The following CR1 variants were observed in gnomAD, a reference collection of about 807,000 sequenced individuals.
CR1 encodes the protein complement receptor type 1.
Under a neutral mutation model 187.3 loss-of-function variants are expected in CR1, and 116 were observed. The ratio of observed to expected loss-of-function variants is 0.62; its 90% CI spans 0.53 to 0.72. The LOEUF is 0.72. Ranked by LOEUF, CR1 falls within the 30% of genes least tolerant of loss-of-function variation. The pLI is 0.00. For missense variants in CR1, 1,731 were observed against 2,110.7 expected, an observed-to-expected ratio of 0.82 and a Z score of 3.52; for synonymous variants, 576 against 747.1, an observed-to-expected ratio of 0.77 and a Z score of 3.73.
intron 35 of CR1, among the ~76,000 whole-genome samples, chr1:207,594,683 T>C (rs1661375333): frequency 6.6e-6 from 1 of 152,212 alleles, no homozygotes; most frequent in Non-Finnish European, 1.5e-5. Context: ...TAAATTTTAC[T>C]GCAACAACTA....
At chr1:207,593,431 T>C (rs975108439) in intron 35 of CR1, among the ~76,000 whole-genome samples, 29 of 152,214 alleles carry the variant, frequency 1.9e-4, no homozygotes, top group African/African-American at 7.0e-4. Context: ...CTGGACCCCT[T>C]CCTTTACATC....
intron 1 of CR1, among the ~76,000 whole-genome samples, chr1:207,505,474 T>A (rs368066190): frequency 4.8e-4 from 73 of 152,182 alleles, no homozygotes; most frequent in African/African-American, 1.7e-3. Context: ...CCCTTGGCTA[T>A]TATTGAAGTG....
At chr1:207,618,269 C>T in intron 42 of CR1, 22 bp downstream of exon 42, 1 of 1,607,912 alleles carries the variant, frequency 6.2e-7, no homozygotes. Flanking sequence ...CTTGGTATTC[C>T]TTATTCTTGC....
intron 27 of CR1, among the ~76,000 whole-genome samples, chr1:207,574,545 A>G (rs1378375759): frequency 6.6e-6 from 1 of 152,166 alleles, no homozygotes; most frequent in Non-Finnish European, 1.5e-5. Context: ...GAGATAGGAT[A>G]TTGGTAAAAA....
intron 1 of CR1, 50 bp from the exon 2 acceptor site, chr1:207,505,854 T>C: frequency 6.4e-7 from 1 of 1,556,618 alleles, no homozygotes; most frequent in Non-Finnish European, 8.7e-7. Context: ...AAAAAAAAAG[T>C]ATGGTAATTT....
rs1661864463 is a variant in CR1 at position 207,609,690 on chromosome 1, T to C, written c.6295+2T>C. 1.9e-6 allele frequency: 3 copies of C among 1,566,402 alleles called. No individual in the cohort carries two copies. The highest frequency in any genetic ancestry group is 2.6e-6 in the Non-Finnish European group (3 of 1,158,260). Reference sequence around the variant, plus strand: ...CCAAGCTGCCACACTGCTCCAGGGGTGAGTGTGACCCATCAAGACTTTGCT... The same window carrying C: ...CCAAGCTGCCACACTGCTCCAGGGGCGAGTGTGACCCATCAAGACTTTGCT... On this transcript the variant is annotated splice_donor_variant, in intron 37 of 46. Transcript: ENST00000367049. LOFTEE classifies it high-confidence loss of function.
At chr1:207,611,006 C>G (rs1287275008) in intron 37 of CR1, among the ~76,000 whole-genome samples, 2 of 152,034 alleles carry the variant, frequency 1.3e-5, no homozygotes, top group African/African-American at 4.8e-5. Context: ...CCCTGTCATG[C>G]TATCAAATAC....
At position 207,576,816 on chromosome 1, in the gene CR1, T is replaced by C. The variant is rs1434089159; in HGVS notation, c.4538-989T>C. On this transcript the variant is annotated intron_variant, in intron 28 of 46. Coordinates refer to ENST00000367049, the MANE Select transcript of CR1 (RefSeq NM_000651.6). ...GCCCGGGCAGCAGAGCCAGACCTTGTCTCAAAAAAAAATGCTATGCTGTAT... is the reference window on the plus strand; with the variant it reads ...GCCCGGGCAGCAGAGCCAGACCTTGCCTCAAAAAAAAATGCTATGCTGTAT... Among the ~76,000 whole-genome samples the C allele has an allele frequency of 5.3e-5, 8 of 151,796 alleles. No individual in the cohort carries two copies. The East Asian group carries it at 1.2e-3, about 22-fold the overall frequency.
intron 35 of CR1, among the ~76,000 whole-genome samples, chr1:207,604,064 A>G (rs1037375558): frequency 1.1e-4 from 17 of 152,178 alleles, no homozygotes; most frequent in African/African-American, 3.6e-4. Context: ...TTGAGTTTAT[A>G]TTACTGCTAG....
At chr1:207,513,734 TCCTCCCTCCCTCCCTCCCTC>T (rs1191099009) in intron 4 of CR1, among the ~76,000 whole-genome samples, 2 of 58,260 alleles carry the variant, frequency 3.4e-5, no homozygotes, top group Non-Finnish European at 6.1e-5. Flanking sequence ...CTCCCTCCTT[TCCTCCCTCCCTCCCTCCCTC>T]CCTCCCTCCC....
At chr1:207,635,463 A>G (rs1662784337) in intron 46 of CR1, among the ~76,000 whole-genome samples, 1 of 152,198 alleles carries the variant, frequency 6.6e-6, no homozygotes, top group Non-Finnish European at 1.5e-5. Context: ...CTTAAAGAGC[A>G]GTATTGCTGC....
intron 27 of CR1, among the ~76,000 whole-genome samples, chr1:207,572,492 A>T (rs1290190453): frequency 1.3e-5 from 2 of 151,940 alleles, no homozygotes; most frequent in Admixed American, 6.6e-5. Flanking sequence ...ACCTTTTTTT[A>T]AAGTATGACT....
At chr1:207,507,683 A>G (rs1659485729) in intron 3 of CR1, 1 of 152,240 alleles carries the variant, frequency 6.6e-6, no homozygotes, top group South Asian at 2.1e-4. Flanking sequence ...AGGAATGCAA[A>G]ATGGTACCAT....
At chr1:207,621,942 T>A in intron 43 of CR1, 31 bp from the exon 44 acceptor site, 1 of 1,575,622 alleles carries the variant, frequency 6.3e-7, no homozygotes, top group Non-Finnish European at 8.7e-7. Flanking sequence ...CATGCCAGAG[T>A]GATGTTTTGT....
intron 33 of CR1, 53 bp from the exon 34 acceptor site, chr1:207,587,333 T>A: frequency 6.8e-7 from 1 of 1,466,094 alleles, no homozygotes; most frequent in Non-Finnish European, 9.3e-7. Flanking sequence ...AAAGAGGAGG[T>A]AGGGTGGAAG....
At chr1:207,628,163 C>T (rs1217227191) in intron 45 of CR1, among the ~76,000 whole-genome samples, 1 of 152,146 alleles carries the variant, frequency 6.6e-6, no homozygotes, top group African/African-American at 2.4e-5. Flanking sequence ...TCAGCTTTCC[C>T]TGATTAAGAA....
chr1:207,498,980 C>A (rs1332150066), intron 1 of CR1, among the ~76,000 whole-genome samples: 1 of 147,368 alleles, frequency 6.8e-6, no homozygotes, highest in Non-Finnish European at 1.5e-5. Context: ...AGAAAAAAAG[C>A]AACAAATAAA....
intron 46 of CR1, among the ~76,000 whole-genome samples, chr1:207,633,213 C>T (rs1292022512): frequency 6.6e-6 from 1 of 152,144 alleles, no homozygotes; most frequent in Non-Finnish European, 1.5e-5. Flanking sequence ...AAAATGATAT[C>T]TCTCTTTGAA....
Position 207,496,158 on chromosome 1 carries a change from C to G in CR1, c.-110C>G. ...TCCCGGAACCCCGCAGCCCTCCCCA[C>G]ACTCTGGGCGCGGAGCACAATGATT... On this transcript the variant is annotated 5_prime_UTR_variant, in exon 1 of 47. Transcript: ENST00000367049. The G allele has an allele frequency of 6.3e-7, 1 of 1,588,350 alleles. No homozygotes were observed. Among genetic ancestry groups the G allele is most frequent in the Non-Finnish European group, 8.6e-7 (1 of 1,164,296 alleles).
Sources: allele counts gnomAD v4.1 joint callset (sites outside exome capture counted in the v4.1 genomes callset), GRCh38; gene constraint gnomAD v4.1.1; transcripts MANE v1.5; gene names NCBI Gene and HGNC (gene_info 2026-07-23, HGNC 2026-07-21).